HYDIN: variants seen among roughly 807,000 people sequenced by gnomAD.
HYDIN encodes the protein axonemal central pair apparatus protein HYDIN.
A neutral mutation model predicts 403.9 loss-of-function variants in HYDIN; 132 were observed. The ratio of observed to expected loss-of-function variants is 0.33; its 90% confidence interval spans 0.28 to 0.38. HYDIN has a LOEUF of 0.38. HYDIN is among the 10% of genes least tolerant of loss of function. HYDIN has a pLI of 1.00. For missense variants in HYDIN, 2,827 were observed against 5,009.5 expected, an observed-to-expected ratio of 0.56 and a Z score of 13.15; for synonymous variants, 1,202 against 1,891.7, an observed-to-expected ratio of 0.64 and a Z score of 9.46.
At chr16:71,046,357 T>A (rs552356392) in intron 18 of HYDIN, among the ~76,000 whole-genome samples, 1 of 152,282 alleles carries the variant, frequency 6.6e-6, no homozygotes, top group East Asian at 1.9e-4. Flanking sequence ...TCAGTACTCA[T>A]ACACTGAATA....
chr16:70,829,131 G>A (rs868129764), intron 81 of HYDIN, among the ~76,000 whole-genome samples: 2 of 105,556 alleles, frequency 1.9e-5, no homozygotes, highest in Middle Eastern at 3.9e-3. Context: ...GGAAGCCAAA[G>A]CTTGATAATC....
chr16:71,193,857 T>C (rs970836410), intron 1 of HYDIN, among the ~76,000 whole-genome samples: 1 of 152,232 alleles, frequency 6.6e-6, no homozygotes, highest in African/African-American at 2.4e-5. Context: ...ATACTTTTTT[T>C]CTGCCATCTT....
chr16:70,812,521 AGAT>A (rs2035573947), intron 84 of HYDIN, among the ~76,000 whole-genome samples: 1 of 152,118 alleles, frequency 6.6e-6, no homozygotes, highest in African/African-American at 2.4e-5. Flanking sequence ...GAATTGTAAA[AGAT>A]GATGGGGTAC....
chr16:70,865,777 T>C (rs1597161901), intron 67 of HYDIN, among the ~76,000 whole-genome samples: 2 of 152,048 alleles, frequency 1.3e-5, no homozygotes, highest in Non-Finnish European at 2.9e-5. Flanking sequence ...GAAATGATGG[T>C]CTTTTGGGTC....
chr16:70,860,700 C>T lies in HYDIN; in HGVS notation c.11979G>A (p.Gly3993=), dbSNP rs1539301. The change falls in exon 70 of 86, where the codon GGG becomes GGA. Residue 3993 remains glycine, a synonymous_variant. Coordinates refer to ENST00000393567, the MANE Select transcript of HYDIN (RefSeq NM_001270974.2). The stretch of plus-strand genomic sequence containing the variant: ...CCTAAGCAACTCACCGGAGATTCTT[C>T]CCTCCTATGCCCACAGTGGTGAACT... ...VIEFTTVGIG[G]KNLRTFTILN... is the part of the protein sequence containing the mutation. 1 of 538,694 alleles carries T rather than the reference C, an allele frequency of 1.9e-6. No homozygotes were observed. The highest frequency in any genetic ancestry group is 2.8e-5 in the East Asian group (1 of 35,092). 33.4% of individuals were successfully genotyped at this position (538,694 alleles called of 1,614,324 possible). A position where few individuals can be genotyped will look rare whatever the true frequency, so the allele number is the denominator to read the frequency against.
chr16:71,222,426 A>G (rs1284012747), intron 1 of HYDIN, among the ~76,000 whole-genome samples: 1 of 152,156 alleles, frequency 6.6e-6, no homozygotes, highest in Non-Finnish European at 1.5e-5. Context: ...GAACTAGAAC[A>G]AGACAAGGAT....
chr16:70,949,788 A>G (rs1045974864), intron 41 of HYDIN, among the ~76,000 whole-genome samples: 1 of 152,256 alleles, frequency 6.6e-6, no homozygotes, highest in African/African-American at 2.4e-5. Flanking sequence ...TCTGATTTCT[A>G]CTGTGATCTG....
chr16:71,094,051 T>G (rs1450079667), intron 10 of HYDIN, 116 bp from the exon 11 acceptor site: 1 of 728,284 alleles, frequency 1.4e-6, no homozygotes, highest in African/African-American at 1.8e-5. Flanking sequence ...CTCCCTGCAT[T>G]GCACCGAGGG....
rs530170239 is a variant in HYDIN, at chr16:71,136,822, T to G, written c.1043+329A>C. Among the ~76,000 whole-genome samples the G allele has an allele frequency of 9.4e-5, 14 of 148,766 alleles. No individual in the cohort carries two copies. In the South Asian group the frequency reaches 2.0e-3, roughly 21 times the overall value. ...AAAACCTGATCAACCTAGTTAGGGTTATGAAAAGTAATAGAGACAGGTAGA... is the reference window on the plus strand; with the variant it reads ...AAAACCTGATCAACCTAGTTAGGGTGATGAAAAGTAATAGAGACAGGTAGA... On this transcript the variant is annotated intron_variant, in intron 8 of 85. Coordinates refer to ENST00000393567, the MANE Select transcript of HYDIN (RefSeq NM_001270974.2).
intron 29 of HYDIN, among the ~76,000 whole-genome samples, chr16:70,980,920 C>T (rs1293373196): frequency 1.3e-5 from 2 of 152,030 alleles, no homozygotes; most frequent in Non-Finnish European, 2.9e-5. Context: ...GACAATTATT[C>T]AAGTCTAATT....
At chr16:70,898,011 AT>A (rs1278401841) in intron 53 of HYDIN, among the ~76,000 whole-genome samples, 1 of 151,086 alleles carries the variant, frequency 6.6e-6, no homozygotes, top group African/African-American at 2.4e-5. Context: ...TCTACAAAAA[AT>A]ACAAAAATTA....
At chr16:71,202,175 A>T (rs9933596) in intron 1 of HYDIN, among the ~76,000 whole-genome samples, 13,455 of 152,222 alleles carry the variant, frequency 0.088, 2,016 homozygotes, top group African/African-American at 0.31. Flanking sequence ...ACACATGACG[A>T]ATGTTCATTT....
At chr16:70,934,089 G>A (rs942175943) in intron 45 of HYDIN, among the ~76,000 whole-genome samples, 3 of 152,234 alleles carry the variant, frequency 2.0e-5, no homozygotes, top group Admixed American at 6.5e-5. Flanking sequence ...AGGAGGGTAC[G>A]ATCCACAGTG....
chr16:71,127,227 AAAG>A (rs2084502280), intron 9 of HYDIN, among the ~76,000 whole-genome samples: 2 of 151,646 alleles, frequency 1.3e-5, no homozygotes, highest in South Asian at 4.2e-4. Flanking sequence ...TTATGAAAAG[AAAG>A]ACTAAATAGC....
chr16:71,027,125 G>A (rs1321062997), intron 20 of HYDIN: 1 of 1,041,112 alleles, frequency 9.6e-7, no homozygotes, highest in Non-Finnish European at 1.2e-6. Context: ...AGATAAATGT[G>A]GCTCTTTTAT....
intron 46 of HYDIN, among the ~76,000 whole-genome samples, chr16:70,919,847 CT>C (rs2076944232): frequency 3.3e-5 from 1 of 30,586 alleles, no homozygotes; most frequent in Non-Finnish European, 8.3e-5. Context: ...GAGACTCCAT[CT>C]CAAAAAAAAA....
At chr16:71,219,150 C>G (rs2089053372) in intron 1 of HYDIN, among the ~76,000 whole-genome samples, 1 of 152,038 alleles carries the variant, frequency 6.6e-6, no homozygotes, top group African/African-American at 2.4e-5. Flanking sequence ...CATAGTTGTA[C>G]AGAACATAGA....
At position 70,879,372 on chromosome 16, in the gene HYDIN, G is replaced by C. The variant is rs774246730; in HGVS notation, c.10482C>G (p.Leu3494=). The C allele has an allele frequency of 6.3e-5, 98 of 1,563,990 alleles. No individual in the cohort carries two copies. Among genetic ancestry groups the C allele is most frequent in the Non-Finnish European group, 8.4e-5 (95 of 1,136,908 alleles). ...LHNQYGNPLL[L]FKRLLLGHSE... ...AATGACCAAGGAGAAGCCTCTTAAA[G>C]AGGAGCAAGGGGTTTCCATATTGGT... Residue 3494 remains leucine (L), a synonymous_variant, in exon 62 of 86, where the codon CTC becomes CTG. Coordinates refer to ENST00000393567, the MANE Select transcript of HYDIN (RefSeq NM_001270974.2).
At chr16:70,955,942 C>T (rs969776897) in intron 39 of HYDIN, among the ~76,000 whole-genome samples, 2 of 152,150 alleles carry the variant, frequency 1.3e-5, no homozygotes, top group Non-Finnish European at 2.9e-5. Context: ...CCTCAGCCTC[C>T]CAAGTAGCTG....
Sources: allele counts gnomAD v4.1 joint callset (sites outside exome capture counted in the v4.1 genomes callset), GRCh38; gene constraint gnomAD v4.1.1; transcripts MANE v1.5; gene names NCBI Gene and HGNC (gene_info 2026-07-23, HGNC 2026-07-21).